The following ANKRD30B variants were observed in gnomAD, a reference collection of about 807,000 sequenced individuals.
ANKRD30B encodes the protein ankyrin repeat domain-containing protein 30B.
A neutral mutation model predicts 202.2 loss-of-function variants in ANKRD30B; 144 were observed. The observed-to-expected ratio is 0.71, with a 90% CI of 0.62 to 0.82. ANKRD30B has a LOEUF of 0.82. ANKRD30B is among the 40% of genes least tolerant of loss of function. The pLI is 0.00. For missense variants in ANKRD30B, 1,487 were observed against 1,669.1 expected (o/e 0.89, Z 1.90); for synonymous variants, 508 against 561.3 (o/e 0.91, Z 1.34).
the ANKRD30B span, among the ~76,000 whole-genome samples, chr18:14,934,005 C>A: frequency 6.6e-6 from 1 of 152,216 alleles, no homozygotes; most frequent in Non-Finnish European, 1.5e-5. Context: ...GCCTCTGGAT[C>A]GTACCCCAGA....
Position 14,784,799 on chromosome 18 carries a change from T to C in ANKRD30B, c.1672+264T>C, listed in dbSNP as rs577367732. On this transcript the variant is annotated intron_variant, in intron 14 of 43. Coordinates refer to ENST00000690538, the MANE Select transcript of ANKRD30B (RefSeq NM_001367607.2). Reference sequence around the variant, plus strand: ...TGTAATGTTTTCTATTTTGAACTTCTGTATTTCTTAAAGATTCAAGAAGGT... The same window carrying C: ...TGTAATGTTTTCTATTTTGAACTTCCGTATTTCTTAAAGATTCAAGAAGGT... 5.3e-5 allele frequency among the ~76,000 whole-genome samples: 8 copies of C among 151,708 alleles called. No homozygotes were observed. The South Asian group carries it at 1.5e-3, about 28-fold the overall frequency.
the ANKRD30B span, among the ~76,000 whole-genome samples, chr18:14,879,241 G>A: frequency 6.6e-6 from 1 of 152,032 alleles, no homozygotes; most frequent in African/African-American, 2.4e-5. Context: ...TGTGGAAAAC[G>A]GGAAACCAAA....
intron 39 of ANKRD30B, among the ~76,000 whole-genome samples, chr18:14,843,688 G>A (rs138227545): frequency 2.2e-3 from 338 of 152,088 alleles, no homozygotes; most frequent in African/African-American, 7.7e-3. Flanking sequence ...CAGCTACTCG[G>A]GAGGCTGAGG....
downstream of ANKRD30B, among the ~76,000 whole-genome samples, chr18:14,858,107 CCAGA>C (rs1164838712): frequency 4.8e-5 from 5 of 103,244 alleles, no homozygotes; most frequent in Non-Finnish European, 4.0e-5. Context: ...TCCTCACCTC[CCAGA>C]CAATGGGCGG....
chr18:14,753,593 C>G (rs1009703035), intron 3 of ANKRD30B, among the ~76,000 whole-genome samples: 1 of 152,110 alleles, frequency 6.6e-6, no homozygotes, highest in African/African-American at 2.4e-5. Flanking sequence ...GTATTCAAGA[C>G]AGTTGATAGC....
chr18:14,792,143 T>G (rs1226410845), intron 16 of ANKRD30B, among the ~76,000 whole-genome samples: 2 of 152,176 alleles, frequency 1.3e-5, no homozygotes, highest in African/African-American at 4.8e-5. Context: ...CTGAAAACCT[T>G]GTTAACAATT....
chr18:14,922,195 G>C, the ANKRD30B span, among the ~76,000 whole-genome samples: 2 of 152,122 alleles, frequency 1.3e-5, no homozygotes, highest in African/African-American at 4.8e-5. Flanking sequence ...GTGCTGCCCT[G>C]TCACAGTGGA....
At chr18:14,867,062 GTACCCCGGGCGTTCAC>G in the ANKRD30B span, among the ~76,000 whole-genome samples, 2 of 147,938 alleles carry the variant, frequency 1.4e-5, no homozygotes, top group Admixed American at 1.4e-4. Flanking sequence ...GTTGGGTGCA[GTACCCCGGGCGTTCAC>G]TGCCTGTGAC....
At position 14,788,448 on chromosome 18, in the gene ANKRD30B, T is replaced by G. The variant is rs549033784; in HGVS notation, c.1734+1348T>G. The stretch of plus-strand genomic sequence containing the variant: ...TAGGGTACATGTGCACAATGTGCAG[T>G]TTAGTTACATATGTATATGTGAGCC... On this transcript the variant is annotated intron_variant, in intron 15 of 43. Transcript: ENST00000690538. 1.6e-4 allele frequency among the ~76,000 whole-genome samples: 25 copies of G among 152,100 alleles called. No homozygotes were observed. The East Asian group carries it at 3.3e-3, about 20-fold the overall frequency.
chr18:14,878,859 G>T, the ANKRD30B span, among the ~76,000 whole-genome samples: 1 of 152,182 alleles, frequency 6.6e-6, no homozygotes, highest in Non-Finnish European at 1.5e-5. Flanking sequence ...GTGCTGTGCA[G>T]CAATGCCCAG....
chr18:14,811,395 T>C (rs1368198519), intron 28 of ANKRD30B, among the ~76,000 whole-genome samples: 4 of 150,878 alleles, frequency 2.7e-5, no homozygotes, highest in Non-Finnish European at 5.9e-5. Context: ...GTATTTTTAG[T>C]AGAAACGGGG....
chr18:14,925,067 C>T, the ANKRD30B span, among the ~76,000 whole-genome samples: 1 of 152,208 alleles, frequency 6.6e-6, no homozygotes, highest in Non-Finnish European at 1.5e-5. Flanking sequence ...AGTGAGAGTA[C>T]TGGATAATGA....
intron 9 of ANKRD30B, among the ~76,000 whole-genome samples, 156 bp downstream of exon 9, chr18:14,772,384 GTT>G (rs61387617): frequency 0.55 from 80,868 of 148,184 alleles, 21,873 homozygotes; most frequent in Non-Finnish European, 0.56. Flanking sequence ...GATTTAAACA[GTT>G]TTTTTTTTTT....
chr18:14,862,460 T>TA, the ANKRD30B span, among the ~76,000 whole-genome samples: 3 of 152,000 alleles, frequency 2.0e-5, no homozygotes, highest in Non-Finnish European at 4.4e-5. Flanking sequence ...ACCACTGACA[T>TA]AAAAAAAGAT....
chr18:14,869,728 T>C, the ANKRD30B span, among the ~76,000 whole-genome samples: 4 of 151,214 alleles, frequency 2.6e-5, no homozygotes, highest in East Asian at 7.8e-4. Flanking sequence ...TTTCATGTCT[T>C]ACCTTTTATT....
chr18:14,932,160 G>A, the ANKRD30B span, among the ~76,000 whole-genome samples: 5 of 150,584 alleles, frequency 3.3e-5, no homozygotes, highest in Non-Finnish European at 7.4e-5. Context: ...CTTCTCTGTC[G>A]GCCCAGCCTC....
chr18:14,864,568 C>T, the ANKRD30B span, among the ~76,000 whole-genome samples: 2,224 of 150,844 alleles, frequency 0.015, 55 homozygotes, highest in African/African-American at 0.051. Flanking sequence ...TATACTTTAC[C>T]GCTCACTTCC....
chr18:14,896,267 G>A, the ANKRD30B span, among the ~76,000 whole-genome samples: 1 of 151,910 alleles, frequency 6.6e-6, no homozygotes, highest in Non-Finnish European at 1.5e-5. Flanking sequence ...GAATAGCTGG[G>A]ACTACAGGCA....
In ANKRD30B at chr18:14,852,409, G is replaced by T. The variant is rs1343853623; in HGVS notation, c.4465G>T (p.Ala1489Ser). Residue 1489 changes from alanine to serine, a missense_variant, in exon 42 of 44, where the codon GCA becomes TCA. Coordinates refer to ENST00000690538, the MANE Select transcript of ANKRD30B (RefSeq NM_001367607.2). ...TATAGATCAATATGAAAAAGAGAAAGCAGAAAGAGAAGTAAGTATCAAAAA... is the reference window on the plus strand; with the variant it reads ...TATAGATCAATATGAAAAAGAGAAATCAGAAAGAGAAGTAAGTATCAAAAA... ...ERIDQYEKEKAEREVIVRQLQ... is the reference protein window; with the variant it reads ...ERIDQYEKEKSEREVIVRQLQ... The T allele has an allele frequency of 7.9e-6, 12 of 1,517,238 alleles. No individual in the cohort carries two copies. Among genetic ancestry groups the T allele is most frequent in the South Asian group, 5.2e-5 (4 of 77,002 alleles). The allele number at this position is 1,517,238 out of a possible 1,614,324, so 94.0% of individuals were successfully genotyped here.
Sources: allele counts gnomAD v4.1 joint callset (sites outside exome capture counted in the v4.1 genomes callset), GRCh38; gene constraint gnomAD v4.1.1; transcripts MANE v1.5; gene names NCBI Gene and HGNC (gene_info 2026-07-23, HGNC 2026-07-21).